The following FADS3 variants were observed in gnomAD, a reference collection of about 807,000 sequenced individuals.
FADS3 encodes the protein cytochrome b5-related protein.
FADS3 carries 30 observed loss-of-function variants against 60.4 expected under a neutral mutation model. The observed-to-expected ratio is 0.50, with a 90% CI of 0.37 to 0.67. FADS3 has a LOEUF of 0.67. Ranked by LOEUF, FADS3 falls within the 30% of genes least tolerant of loss-of-function variation. The pLI, the probability that FADS3 is intolerant of heterozygous loss-of-function variation, is 0.00. For synonymous variants in FADS3, 234 were observed against 249.3 expected (o/e 0.94, Z 0.58); for missense variants, 432 against 598.3 (o/e 0.72, Z 2.90).
At position 61,891,517 on chromosome 11, in the gene FADS3, C is replaced by T. The variant is rs956653835; in HGVS notation, c.-136G>A. ...GGCCCCGCCCTGCCGCCGCGGCCGC[C>T]GTACGAGCGAGCGTGCGCCTCCCGG... On this transcript the variant is annotated 5_prime_UTR_variant, in exon 1 of 12. Transcript: ENST00000278829. The T allele has an allele frequency of 1.1e-4, 56 of 521,682 alleles. No individual in the cohort carries two copies. The highest frequency in any genetic ancestry group is 8.6e-4 in the African/African-American group (43 of 50,088). 32.3% of individuals were successfully genotyped at this position (521,682 alleles called of 1,614,324 possible). A position where few individuals can be genotyped will look rare whatever the true frequency, so the allele number is the denominator to read the frequency against.
chr11:61,891,265 C>G lies in FADS3; in HGVS notation c.117G>C (p.Leu39=). 6.5e-7 allele frequency: 1 copy of G among 1,541,316 alleles called. No homozygotes were observed. Among genetic ancestry groups the G allele is most frequent in the South Asian group, 1.2e-5 (1 of 84,084 alleles). The change falls in exon 1 of 12, where the codon CTG becomes CTC. Residue 39 remains leucine, a synonymous_variant. Transcript: ENST00000278829. ...TGTCGTAGACGCGGCGCTCGATGACCAGCCACTTGTCGCCGGGCTGGTCGT... is the reference window on the plus strand; with the variant it reads ...TGTCGTAGACGCGGCGCTCGATGACGAGCCACTTGTCGCCGGGCTGGTCGT... ...RAHDQPGDKW[L]VIERRVYDIS...
In FADS3 at chr11:61,879,440, G is replaced by A. The variant is rs868763678; in HGVS notation, c.394C>T (p.Pro132Ser). The A allele has an allele frequency of 6.2e-7, 1 of 1,606,818 alleles. No homozygotes were observed. Among genetic ancestry groups the A allele is most frequent in the Non-Finnish European group, 8.5e-7 (1 of 1,177,378 alleles). Residue 132 changes from proline (P) to serine (S), a missense_variant, in exon 3 of 12, where the codon CCC (proline) becomes TCC (serine). Physicochemically the swap from Pro to Ser is moderately conservative, Grantham distance 74. Around this residue, in one of 5 missense-constraint regions of FADS3, gnomAD observed 167 missense variants for 188.8 expected, o/e 0.88. Coordinates refer to ENST00000278829, the MANE Select transcript of FADS3 (RefSeq NM_021727.5). ...CCCAGTAGGAAAGCAAAGAAGGTGG[G>A]ACTGGCATCAAACAGCTTCATGTCC... Reference protein sequence around the residue: ...AEDMKLFDASPTFFAFLLGHI... With the variant: ...AEDMKLFDASSTFFAFLLGHI...
chr11:61,878,057 C>T (rs918204600), intron 6 of FADS3, 98 bp downstream of exon 6: 67 of 1,075,286 alleles, frequency 6.2e-5, no homozygotes, highest in Non-Finnish European at 8.7e-5. Flanking sequence ...GACAGACGTG[C>T]CCCGCCCCAG....
chr11:61,879,266 C>G (rs371236051), intron 3 of FADS3, 46 bp downstream of exon 3: 1 of 1,498,860 alleles, frequency 6.7e-7, no homozygotes, highest in East Asian at 2.5e-5. Flanking sequence ...TGGGGGCCCA[C>G]GTCTGTTGGG....
chr11:61,875,871 G>C lies in FADS3; in HGVS notation c.1266C>G (p.Thr422=), dbSNP rs188187545. Residue 422 remains threonine (T), a synonymous_variant, in exon 11 of 12, where the codon ACC becomes ACG. Coordinates refer to ENST00000278829, the MANE Select transcript of FADS3 (RefSeq NM_021727.5). ...GLSYEVKPFL[T]ALVDIVRSLK... is the part of the protein sequence containing the mutation. ...CTCACCTGACGATGTCCACCAGCGC[G>C]GTGAGGAAGGGCTTCACTTCGTAGC... 1 of 1,613,474 alleles carries C rather than the reference G, an allele frequency of 6.2e-7. No homozygotes were observed. Among genetic ancestry groups the C allele is most frequent in the Non-Finnish European group, 8.5e-7 (1 of 1,179,860 alleles).
At chr11:61,891,824 A>G (rs174466), upstream of FADS3, 89,764 of 151,976 alleles carry the variant, frequency 0.59, 30,235 homozygotes, top group Non-Finnish European at 0.75. Context: ...TCTTGACTCC[A>G]CCCGGAGCGC....
At chr11:61,882,858 T>C (rs1938185482) in intron 1 of FADS3, among the ~76,000 whole-genome samples, 1 of 152,098 alleles carries the variant, frequency 6.6e-6, no homozygotes, top group South Asian at 2.1e-4. Context: ...GCCTACTGAG[T>C]AGGTGGGATT....
At position 61,877,949 on chromosome 11, in the gene FADS3, G is replaced by A. The variant is rs951875180; in HGVS notation, c.808+206C>T. On this transcript the variant is annotated intron_variant, in intron 6 of 11. Coordinates refer to ENST00000278829, the MANE Select transcript of FADS3 (RefSeq NM_021727.5). This position sits in a 1 kb window ranked among gnomAD's most constrained non-coding sequence, Gnocchi z 4.7. The stretch of plus-strand genomic sequence containing the variant: ...GGCTGTGATGGCCCGTGGCTGCAAG[G>A]TGTCCCAGGCACGGGAGACAGCTGG... 25 of 613,920 alleles carry A rather than the reference G, an allele frequency of 4.1e-5. No individual in the cohort carries two copies. In the Admixed American group the frequency reaches 6.0e-4, roughly 15 times the overall value. 38.0% of individuals were successfully genotyped at this position (613,920 alleles called of 1,614,324 possible).
chr11:61,880,399 T>G (rs989399654), intron 1 of FADS3: 1 of 338,572 alleles, frequency 3.0e-6, no homozygotes, highest in Admixed American at 4.6e-5. Context: ...AGGGCCCCTC[T>G]CTGAACACGG....
In FADS3 at chr11:61,876,298, A is replaced by C; in HGVS notation, c.1080+61T>G. On this transcript the variant is annotated intron_variant, in intron 9 of 11. Transcript: ENST00000278829. This position sits in a 1 kb window ranked among gnomAD's most constrained non-coding sequence, Gnocchi z 5.7. ...GTCAGGGCCTCATCCCTGCTTTGCC[A>C]TCTGGCTCCTAGCTGGGACCCCCCA... 6.3e-7 allele frequency: 1 copy of C among 1,594,708 alleles called. No individual in the cohort carries two copies. Among genetic ancestry groups the C allele is most frequent in the South Asian group, 1.1e-5 (1 of 90,024 alleles).
chr11:61,880,214 G>A, intron 1 of FADS3, 63 bp from the exon 2 acceptor site: 1 of 1,342,376 alleles, frequency 7.4e-7, no homozygotes, highest in Non-Finnish European at 1.1e-6. Context: ...GCGGCAACCA[G>A]CAGAGACAGG....
chr11:61,878,275 C>G, intron 5 of FADS3, 60 bp from the exon 6 acceptor site: 1 of 1,566,214 alleles, frequency 6.4e-7, no homozygotes, highest in Non-Finnish European at 8.8e-7. Context: ...TTCTCCCGGG[C>G]AAGGTCACGG....
At chr11:61,878,258 C>T (rs548846159) in intron 5 of FADS3, 43 bp from the exon 6 acceptor site, 4 of 1,596,222 alleles carry the variant, frequency 2.5e-6, no homozygotes, top group Admixed American at 3.3e-5. Context: ...CTCTCCAGGC[C>T]ACCTCCTTCT....
chr11:61,878,745 C>T lies in FADS3; in HGVS notation c.624+1G>A, dbSNP rs1367247667. ...TGGCTGACCACCCACCCCACCCTCA[C>T]CTTTAGCTGCCCCATCACGAACTTC... On this transcript the variant is annotated splice_donor_variant, in intron 4 of 11. Transcript: ENST00000278829. LOFTEE classifies it high-confidence loss of function. The T allele has an allele frequency of 6.2e-7, 1 of 1,613,812 alleles. No individual in the cohort carries two copies. Among genetic ancestry groups the T allele is most frequent in the East Asian group, 2.2e-5 (1 of 44,894 alleles).
rs1280355679 is a variant in FADS3 at position 61,876,983 on chromosome 11, C to T, written c.886-20G>A. ...CAAATCCTGCAGAGGAGGGCAGAGGCGATACCGAGAGGTCTCCAGGTGCCC... is the reference window on the plus strand; with the variant it reads ...CAAATCCTGCAGAGGAGGGCAGAGGTGATACCGAGAGGTCTCCAGGTGCCC... On this transcript the variant is annotated intron_variant, in intron 7 of 11. Coordinates refer to ENST00000278829, the MANE Select transcript of FADS3 (RefSeq NM_021727.5). This position sits in a 1 kb window ranked among gnomAD's most constrained non-coding sequence, Gnocchi z 5.7. The T allele has an allele frequency of 3.2e-5, 50 of 1,553,228 alleles. No individual in the cohort carries two copies. Among genetic ancestry groups the T allele is most frequent in the Non-Finnish European group, 3.8e-5 (44 of 1,146,392 alleles).
In FADS3 at chr11:61,882,722, A is replaced by C. The variant is rs968529146; in HGVS notation, c.214-2571T>G. Among the ~76,000 whole-genome samples, 6 of 151,962 alleles carry C rather than the reference A, an allele frequency of 3.9e-5. No homozygotes were observed. The East Asian group carries it at 1.2e-3, about 29-fold the overall frequency. On this transcript the variant is annotated intron_variant, in intron 1 of 11. Transcript: ENST00000278829. ...AGGTGTGAGCCACACCTGGCCTCTA[A>C]TTTTTTTATTTATCTTTTATTTTTT... is the stretch of plus-strand genomic sequence containing the variant.
At chr11:61,889,942 A>G (rs1029730823) in intron 1 of FADS3, among the ~76,000 whole-genome samples, 1 of 152,158 alleles carries the variant, frequency 6.6e-6, no homozygotes, top group Non-Finnish European at 1.5e-5. Flanking sequence ...GCCTTTGGGG[A>G]GAAGCCGTGC....
At position 61,876,765 on chromosome 11, in the gene FADS3, C is replaced by CA; in HGVS notation, c.983+100dup. On this transcript the variant is annotated intron_variant, in intron 8 of 11. Transcript: ENST00000278829. This position sits in a 1 kb window ranked among gnomAD's most constrained non-coding sequence, Gnocchi z 5.7. ...CACCAGCAAGCCAGGGAGGCAGTAC[C>CA]ACTGGCCCCATTCTGCAGACGGGAA... The CA allele has an allele frequency of 1.1e-6, 1 of 947,674 alleles. No individual in the cohort carries two copies. Among genetic ancestry groups the CA allele is most frequent in the Non-Finnish European group, 1.7e-6 (1 of 600,356 alleles). The allele number at this position is 947,674 out of a possible 1,614,324, so 58.7% of individuals were successfully genotyped here.
intron 11 of FADS3, 22 bp from the exon 12 acceptor site, chr11:61,873,887 G>T (rs1456029393): frequency 6.5e-7 from 1 of 1,549,774 alleles, no homozygotes; most frequent in South Asian, 1.1e-5. Context: ...GGGTGGCAGT[G>T]GGGGTGGGTG....
Sources: allele counts gnomAD v4.1 joint callset (sites outside exome capture counted in the v4.1 genomes callset), GRCh38; gene constraint gnomAD v4.1.1; regional missense constraint gnomAD v4.1.1; non-coding constraint Gnocchi (gnomAD v3.1); transcripts MANE v1.5; gene names NCBI Gene and HGNC (gene_info 2026-07-23, HGNC 2026-07-21).